Variants in RGS22 observed in about 807,000 individuals in gnomAD.
RGS22 encodes regulator of G protein signaling 22.
In RGS22, 148 loss-of-function variants were observed where a neutral mutation model predicts 172.9. That is an observed-to-expected ratio of 0.86 (90% CI 0.75 to 0.98). RGS22 has a LOEUF of 0.98. Ranked by LOEUF, RGS22 falls within the 50% of genes least tolerant of loss-of-function variation. RGS22 has a pLI of 0.00. For synonymous variants in RGS22, 458 were observed against 480.2 expected (o/e 0.95, Z 0.60); for missense variants, 1,347 against 1,440.8 (o/e 0.93, Z 1.05).
At chr8:99,975,006 C>T (rs138478862) in intron 23 of RGS22, among the ~76,000 whole-genome samples, 46 of 151,882 alleles carry the variant, frequency 3.0e-4, no homozygotes, top group African/African-American at 9.2e-4. Flanking sequence ...ATTAGCCAGG[C>T]GTGGTGGTAT....
chr8:99,976,641 G>A (rs574492802), intron 23 of RGS22, among the ~76,000 whole-genome samples: 9 of 152,260 alleles, frequency 5.9e-5, no homozygotes, highest in South Asian at 2.1e-4. Flanking sequence ...GATTACAGGC[G>A]TGAGCCACTG....
rs1305019981 is a variant in RGS22 at position 100,063,626 on chromosome 8, T to G, written c.1142A>C (p.Glu381Ala). Residue 381 changes from glutamate to alanine, a missense_variant, in exon 8 of 28, where the codon GAA (glutamate) becomes GCA (alanine). Transcript: ENST00000360863. ...QTTKERSEEI[E>A]QTSLSSKNES... ...ATTCTTTGAACTTAAACTTGTTTGT[T>G]CTATCTCTTCTGACCTCTCCTTTGT... 6.2e-7 allele frequency: 1 copy of G among 1,614,030 alleles called. No individual in the cohort carries two copies. The highest frequency in any genetic ancestry group is 1.7e-5 in the Admixed American group (1 of 59,986).
intron 2 of RGS22, among the ~76,000 whole-genome samples, chr8:100,098,407 G>A (rs1252464955): frequency 1.3e-5 from 2 of 152,190 alleles, no homozygotes; most frequent in African/African-American, 2.4e-5. Context: ...AGAATGCAAG[G>A]TGAGACAAGC....
intron 19 of RGS22, among the ~76,000 whole-genome samples, chr8:99,998,338 A>G (rs1249212912): frequency 6.6e-6 from 1 of 152,176 alleles, no homozygotes; most frequent in African/African-American, 2.4e-5. Context: ...GACCAACTCA[A>G]TTTTTCAAAT....
At chr8:100,067,171 T>C (rs147773271) in intron 6 of RGS22, among the ~76,000 whole-genome samples, 186 of 152,258 alleles carry the variant, frequency 1.2e-3, no homozygotes, top group African/African-American at 4.1e-3. Flanking sequence ...ACTTGGAGAA[T>C]AGGTACCTCA....
At chr8:100,053,017 C>G (rs1336731006) in intron 9 of RGS22, 41 bp from the exon 10 acceptor site, 1 of 1,565,706 alleles carries the variant, frequency 6.4e-7, no homozygotes, top group African/African-American at 1.4e-5. Context: ...AACTAAACAA[C>G]AAGCCTCAAA....
At chr8:100,079,917 G>C (rs1416701960) in intron 4 of RGS22, among the ~76,000 whole-genome samples, 1 of 152,000 alleles carries the variant, frequency 6.6e-6, no homozygotes, top group Non-Finnish European at 1.5e-5. Flanking sequence ...AAATATTCAA[G>C]GTAAATTATA....
intron 10 of RGS22, among the ~76,000 whole-genome samples, chr8:100,052,406 A>T (rs1290839552): frequency 2.0e-5 from 3 of 149,896 alleles, no homozygotes. Flanking sequence ...GATTCCCGCC[A>T]TTCTCCTGCC....
intron 23 of RGS22, among the ~76,000 whole-genome samples, chr8:99,973,522 T>C (rs1307038089): frequency 6.6e-6 from 1 of 151,754 alleles, no homozygotes. Flanking sequence ...CAGGGGATGG[T>C]GGCAAGGGGA....
At chr8:99,989,865 T>TAGATAGAC (rs902444647) in intron 20 of RGS22, among the ~76,000 whole-genome samples, 3 of 94,780 alleles carry the variant, frequency 3.2e-5, no homozygotes, top group African/African-American at 1.3e-4. Flanking sequence ...GACAGACAGA[T>TAGATAGAC]AGATAGATAG....
intron 4 of RGS22, among the ~76,000 whole-genome samples, chr8:100,073,508 C>T (rs1023356668): frequency 2.0e-5 from 3 of 151,998 alleles, no homozygotes; most frequent in African/African-American, 7.2e-5. Flanking sequence ...AGAAGAAAAC[C>T]ATGGAAATAG....
intron 9 of RGS22, among the ~76,000 whole-genome samples, chr8:100,059,039 G>T (rs1809883413): frequency 6.6e-6 from 1 of 152,056 alleles, no homozygotes; most frequent in Non-Finnish European, 1.5e-5. Context: ...TTTTCTTTTT[G>T]CTTGTGTGTT....
chr8:100,008,545 G>A lies in RGS22; in HGVS notation c.2191C>T (p.Pro731Ser). Residue 731 changes from proline to serine, a missense_variant, in exon 15 of 28, where the codon CCT becomes TCT. Pro to Ser is a moderately conservative substitution (Grantham distance 74). Coordinates refer to ENST00000360863, the MANE Select transcript of RGS22 (RefSeq NM_015668.5). ...AQYLFATYVAPSATLDIGLQQ... is the reference protein window; with the variant it reads ...AQYLFATYVASSATLDIGLQQ... ...AGTCCAATGTCAAGAGTGGCAGAAGGAGCAACGTATGTGGCAAAAAGATAC... is the reference window on the plus strand; with the variant it reads ...AGTCCAATGTCAAGAGTGGCAGAAGAAGCAACGTATGTGGCAAAAAGATAC... 6.2e-7 allele frequency: 1 copy of A among 1,610,204 alleles called. No individual in the cohort carries two copies. Among genetic ancestry groups the A allele is most frequent in the Non-Finnish European group, 8.5e-7 (1 of 1,179,100 alleles).
At position 100,063,976 on chromosome 8, in the gene RGS22, CA is replaced by C; in HGVS notation, c.791del (p.Leu264Ter). ...TKKDPSKTNK[L>X]ISEFEEEEGE... ...CTTCTTCTTCTTCAAATTCAGAAATCAATTTGTTGGTTTTAGATGGGTCCTT... is the reference window on the plus strand; with the variant it reads ...CTTCTTCTTCTTCAAATTCAGAAATCATTTGTTGGTTTTAGATGGGTCCTT... On this transcript the variant is annotated frameshift_variant, in exon 8 of 28. Transcript: ENST00000360863. LOFTEE classifies it high-confidence loss of function. 2 of 1,569,138 alleles carry C rather than the reference CA, an allele frequency of 1.3e-6. No homozygotes were observed. Among genetic ancestry groups the C allele is most frequent in the Non-Finnish European group, 1.7e-6 (2 of 1,161,292 alleles).
intron 20 of RGS22, among the ~76,000 whole-genome samples, chr8:99,989,891 G>GATAA (rs1813515432): frequency 6.6e-6 from 1 of 151,494 alleles, no homozygotes; most frequent in East Asian, 1.9e-4. Context: ...TAGATAGATA[G>GATAA]ATAGATAGAT....
At chr8:99,987,993 A>T in intron 20 of RGS22, among the ~76,000 whole-genome samples, 1 of 151,430 alleles carries the variant, frequency 6.6e-6, no homozygotes, top group South Asian at 2.1e-4. Flanking sequence ...TTTTATTATT[A>T]CATGTTATAT....
rs1813208988 is a variant in RGS22 at position 100,098,854 on chromosome 8, ATTATTTTATTTATTTTATT to A, written c.55-5364_55-5346del. On this transcript the variant is annotated intron_variant, in intron 2 of 27. Transcript: ENST00000360863. Reference sequence around the variant, plus strand: ...CCCCTTTTATTTTTTTATTTATTTTATTATTTTATTTATTTTATTTTATTTTATTTTATTTTATTTTATT... The same window carrying A: ...CCCCTTTTATTTTTTTATTTATTTTATTATTTTATTTTATTTTATTTTATT... Among the ~76,000 whole-genome samples, 4 of 21,512 alleles carry A rather than the reference ATTATTTTATTTATTTTATT, an allele frequency of 1.9e-4. 1 individual carries two copies. The South Asian group carries it at 6.3e-3, about 34-fold the overall frequency. The allele number at this position is 21,512 out of a possible 152,430, so 14.1% of individuals were successfully genotyped here.
At chr8:100,007,582 C>T (rs535132511) in intron 15 of RGS22, among the ~76,000 whole-genome samples, 3 of 152,164 alleles carry the variant, frequency 2.0e-5, no homozygotes, top group Admixed American at 2.0e-4. Flanking sequence ...GTAATATTAA[C>T]TGAAACTCAT....
intron 23 of RGS22, among the ~76,000 whole-genome samples, chr8:99,973,255 G>A (rs578008700): frequency 6.0e-4 from 91 of 152,070 alleles, no homozygotes; most frequent in Non-Finnish European, 1.0e-3. Context: ...CAAAGACTTG[G>A]AACCAACCCA....
Sources: gnomAD v4.1 joint callset for allele counts (sites outside exome capture counted in the v4.1 genomes callset) on GRCh38, gnomAD v4.1.1 for gene constraint, MANE v1.5 for transcripts, NCBI Gene and HGNC (gene_info 2026-07-23, HGNC 2026-07-21) for gene names.